The following RPS6KA5 variants were observed in gnomAD, a reference collection of about 807,000 sequenced individuals.
The protein encoded by RPS6KA5 is ribosomal protein S6 kinase A5, also known as ribosomal protein S6 kinase alpha-5.
A neutral mutation model predicts 85.5 loss-of-function variants in RPS6KA5; 27 were observed. The observed-to-expected ratio is 0.32, with a 90% CI of 0.23 to 0.44. The LOEUF (loss-of-function observed/expected upper bound fraction) is 0.44. Among genes scored for constraint, RPS6KA5 ranks in the 20% least tolerant of loss-of-function variants. The pLI is 1.00. For synonymous variants in RPS6KA5, 334 were observed against 348.2 expected (o/e 0.96, Z 0.46); for missense variants, 811 against 980.9 (o/e 0.83, Z 2.31).
intron 15 of RPS6KA5, among the ~76,000 whole-genome samples, chr14:90,874,024 C>T (rs1240486804): frequency 6.6e-6 from 1 of 152,158 alleles, no homozygotes; most frequent in East Asian, 1.9e-4. Context: ...GGCGAAGTGG[C>T]TTTTCAATCA....
At chr14:90,953,247 A>G (rs2038307360) in intron 3 of RPS6KA5, among the ~76,000 whole-genome samples, 1 of 152,208 alleles carries the variant, frequency 6.6e-6, no homozygotes. Context: ...TTTTACTTCA[A>G]TCTCTGAACA....
chr14:90,873,185 G>T (rs1266455086), intron 16 of RPS6KA5, among the ~76,000 whole-genome samples: 2 of 152,090 alleles, frequency 1.3e-5, no homozygotes, highest in Non-Finnish European at 2.9e-5. Context: ...CTACCAAATA[G>T]TCTCAGTCTT....
Position 90,900,759 on chromosome 14 carries a change from T to A in RPS6KA5, c.1120-23A>T. ...GCCCTAAAAACAAGACAAAGAAAGA[T>A]AAAGAAAAACAACTTGCAGTTTTCC... On this transcript the variant is annotated intron_variant, in intron 9 of 16. Transcript: ENST00000614987. 6.3e-7 allele frequency: 1 copy of A among 1,586,562 alleles called. No individual in the cohort carries two copies. Among genetic ancestry groups the A allele is most frequent in the Admixed American group, 1.8e-5 (1 of 54,644 alleles).
Position 91,060,310 on chromosome 14 carries a change from G to T in RPS6KA5, c.103+22C>A, listed in dbSNP as rs775520595. On this transcript the variant is annotated intron_variant, in intron 1 of 16. Coordinates refer to ENST00000614987, the MANE Select transcript of RPS6KA5 (RefSeq NM_004755.4). ...GCGCGCCCCCGCGCCGGGCCCGGCC[G>T]GCAGAGGGCGGGGTCGCTCACCAGT... 8.9e-6 allele frequency: 11 copies of T among 1,242,232 alleles called. No individual in the cohort carries two copies. In the South Asian group the frequency reaches 3.8e-4, roughly 43 times the overall value. The allele number at this position is 1,242,232 out of a possible 1,614,324, so 77.0% of individuals were successfully genotyped here. A position where few individuals can be genotyped will look rare whatever the true frequency, so the allele number is the denominator to read the frequency against.
At chr14:90,935,275 G>A (rs573804074) in intron 5 of RPS6KA5, among the ~76,000 whole-genome samples, 1 of 151,996 alleles carries the variant, frequency 6.6e-6, no homozygotes, top group South Asian at 2.1e-4. Flanking sequence ...ATTAGAGAAA[G>A]ATGTAATTTA....
chr14:90,985,237 C>T (rs1818247471), intron 2 of RPS6KA5, among the ~76,000 whole-genome samples: 1 of 152,164 alleles, frequency 6.6e-6, no homozygotes, highest in Non-Finnish European at 1.5e-5. Context: ...GCCACTGCGC[C>T]CGGCCGCCTT....
chr14:91,047,643 G>A (rs1197008107), intron 1 of RPS6KA5, among the ~76,000 whole-genome samples: 2 of 152,188 alleles, frequency 1.3e-5, no homozygotes, highest in African/African-American at 2.4e-5. Flanking sequence ...TTAGTTTCCT[G>A]TAACTGCGGT....
At chr14:90,933,891 T>C (rs2037124248) in intron 5 of RPS6KA5, among the ~76,000 whole-genome samples, 1 of 152,206 alleles carries the variant, frequency 6.6e-6, no homozygotes, top group South Asian at 2.1e-4. Context: ...GGCCTTAATA[T>C]TGGCTGATCC....
Position 90,860,306 on chromosome 14 carries a change from G to A in RPS6KA5, c.*11768C>T, listed in dbSNP as rs1217181085. The A allele has an allele frequency of 6.6e-6, 1 of 152,204 alleles. No individual in the cohort carries two copies. Among genetic ancestry groups the A allele is most frequent in the Non-Finnish European group, 1.5e-5 (1 of 68,108 alleles). 9.4% of individuals were successfully genotyped at this position (152,204 alleles called of 1,614,324 possible). A position where few individuals can be genotyped will look rare whatever the true frequency, so the allele number is the denominator to read the frequency against. ...CCCAGCACTTTGGGAGGCCGAGGTG[G>A]GCAGATCACTTGAGGTCAGGAGTTT... On this transcript the variant is annotated 3_prime_UTR_variant, in exon 17 of 17. Coordinates refer to ENST00000614987, the MANE Select transcript of RPS6KA5 (RefSeq NM_004755.4).
At chr14:90,933,735 G>C (rs2037114556) in intron 5 of RPS6KA5, among the ~76,000 whole-genome samples, 1 of 152,166 alleles carries the variant, frequency 6.6e-6, no homozygotes, top group East Asian at 1.9e-4. Flanking sequence ...TCCTTACAAT[G>C]ATCTTCAATG....
chr14:90,992,467 G>C (rs766293161), intron 2 of RPS6KA5, among the ~76,000 whole-genome samples: 6 of 152,166 alleles, frequency 3.9e-5, no homozygotes, highest in Non-Finnish European at 8.8e-5. Flanking sequence ...ATGTATAATA[G>C]ATAATGAGTC....
intron 10 of RPS6KA5, 121 bp downstream of exon 10, chr14:90,900,490 T>C (rs2035103851): frequency 1.0e-6 from 1 of 976,536 alleles, no homozygotes; most frequent in East Asian, 2.7e-5. Flanking sequence ...AATATTGCTA[T>C]ATCCCACTTT....
chr14:90,941,745 T>C (rs553863818), intron 5 of RPS6KA5, among the ~76,000 whole-genome samples: 2 of 152,362 alleles, frequency 1.3e-5, no homozygotes, highest in African/African-American at 4.8e-5. Context: ...GAGAGCCTGC[T>C]TTTAGGCTTC....
chr14:90,973,747 C>T (rs1348491891), intron 3 of RPS6KA5, among the ~76,000 whole-genome samples: 1 of 151,810 alleles, frequency 6.6e-6, no homozygotes, highest in East Asian at 1.9e-4. Flanking sequence ...ATGTTAAAAC[C>T]AGTATCAGGG....
chr14:91,038,637 CA>C (rs986475334), intron 1 of RPS6KA5, among the ~76,000 whole-genome samples: 8 of 152,310 alleles, frequency 5.3e-5, no homozygotes, highest in African/African-American at 1.9e-4. Flanking sequence ...TCCAAACCAA[CA>C]ATATGACACA....
intron 12 of RPS6KA5, 125 bp from the exon 13 acceptor site, chr14:90,894,708 G>A (rs898207964): frequency 3.6e-6 from 4 of 1,099,334 alleles, no homozygotes; most frequent in African/African-American, 1.6e-5. Flanking sequence ...ATAATCAATG[G>A]CAATCCTCAT....
chr14:90,910,631 A>G (rs2035757821), intron 7 of RPS6KA5, among the ~76,000 whole-genome samples: 1 of 151,684 alleles, frequency 6.6e-6, no homozygotes, highest in Non-Finnish European at 1.5e-5. Context: ...CTTTAAGCAC[A>G]AGTCTTAGTA....
intron 2 of RPS6KA5, among the ~76,000 whole-genome samples, chr14:90,980,530 A>G (rs1267436489): frequency 6.6e-6 from 1 of 152,222 alleles, no homozygotes; most frequent in Non-Finnish European, 1.5e-5. Flanking sequence ...AGTACTTGTC[A>G]GGCACTTATG....
intron 2 of RPS6KA5, among the ~76,000 whole-genome samples, chr14:90,980,147 T>C (rs1250494842): frequency 1.3e-5 from 2 of 152,126 alleles, no homozygotes; most frequent in African/African-American, 2.4e-5. Flanking sequence ...AATTAGGGTA[T>C]ACAAATAAAA....
Sources: allele counts gnomAD v4.1 joint callset (sites outside exome capture counted in the v4.1 genomes callset), GRCh38; gene constraint gnomAD v4.1.1; transcripts MANE v1.5; gene names NCBI Gene and HGNC (gene_info 2026-07-23, HGNC 2026-07-21).